Variants in ANK3 observed in about 807,000 individuals in gnomAD.
ANK3 encodes ankyrin-3.
Under a neutral mutation model 370.9 loss-of-function variants are expected in ANK3, and 57 were observed. The observed-to-expected ratio is 0.15, with a 90% CI of 0.12 to 0.19. The LOEUF is 0.19. Ranked by LOEUF, ANK3 falls within the 10% of genes least tolerant of loss-of-function variation. The probability of loss-of-function intolerance (pLI) is 1.00; values close to 1 mark genes in which losing one functional copy is unlikely to be tolerated. For missense variants in ANK3, 4,439 were observed against 5,302.1 expected (o/e 0.84, Z 5.06); for synonymous variants, 1,929 against 1,946.3 (o/e 0.99, Z 0.23).
At chr10:60,232,115 C>T (rs1267714015) in intron 8 of ANK3, among the ~76,000 whole-genome samples, 4 of 152,146 alleles carry the variant, frequency 2.6e-5, no homozygotes, top group Admixed American at 6.5e-5. Context: ...GCCTGAACTT[C>T]CTATGTATCC....
chr10:60,521,850 C>T (rs748070902), intron 2 of ANK3, among the ~76,000 whole-genome samples: 9 of 152,072 alleles, frequency 5.9e-5, no homozygotes, highest in African/African-American at 1.2e-4. Flanking sequence ...TTCAATACAT[C>T]ACTGTCTTCT....
intron 1 of ANK3, among the ~76,000 whole-genome samples, chr10:60,713,047 CCAG>C (rs2079732360): frequency 6.6e-6 from 1 of 152,146 alleles, no homozygotes; most frequent in African/African-American, 2.4e-5. Flanking sequence ...ATTGACAGAT[CCAG>C]CAGGCAGAAA....
At chr10:60,056,071 AC>A (rs1564658514) in intron 41 of ANK3, 35 bp from the exon 42 acceptor site, 1 of 1,569,776 alleles carries the variant, frequency 6.4e-7, no homozygotes, top group South Asian at 1.2e-5. Context: ...ACAATGGCAA[AC>A]TATGACTGAA....
Position 60,146,620 on chromosome 10 carries a change from T to C in ANK3, c.2615-7533A>G, listed in dbSNP as rs188423156. ...TAGCCTGCCTCAGCCTCCCGAGTAGTTGGGATTACAGGCACCCGCCACCAA... is the reference window on the plus strand; with the variant it reads ...TAGCCTGCCTCAGCCTCCCGAGTAGCTGGGATTACAGGCACCCGCCACCAA... On this transcript the variant is annotated intron_variant, in intron 23 of 43. Transcript: ENST00000280772. Among the ~76,000 whole-genome samples, 22 of 152,134 alleles carry C rather than the reference T, an allele frequency of 1.4e-4. No individual in the cohort carries two copies. In the East Asian group the frequency reaches 4.3e-3, roughly 29 times the overall value.
At chr10:60,434,561 T>G (rs2064111099) in intron 2 of ANK3, among the ~76,000 whole-genome samples, 1 of 152,240 alleles carries the variant, frequency 6.6e-6, no homozygotes, top group African/African-American at 2.4e-5. Context: ...TAGAGAGCCT[T>G]AAATTCTTTG....
intron 1 of ANK3, among the ~76,000 whole-genome samples, chr10:60,727,333 A>G (rs189037633): frequency 3.9e-5 from 6 of 152,322 alleles, no homozygotes; most frequent in African/African-American, 1.4e-4. Flanking sequence ...CAAAAACATT[A>G]TGCTCAGAGA....
At chr10:60,196,894 C>A (rs560904991) in intron 14 of ANK3, among the ~76,000 whole-genome samples, 1 of 152,222 alleles carries the variant, frequency 6.6e-6, no homozygotes, top group Non-Finnish European at 1.5e-5. Context: ...GCTGACTGAG[C>A]CATGACATGC....
At chr10:60,373,735 A>G (rs76511094) in intron 1 of ANK3, among the ~76,000 whole-genome samples, 1,549 of 152,232 alleles carry the variant, frequency 0.01, 19 homozygotes, top group African/African-American at 0.035. Flanking sequence ...TTGCTTTACA[A>G]TTTGCCCCAC....
intron 23 of ANK3, chr10:60,139,346 C>G (rs2094472731): frequency 2.4e-6 from 1 of 418,340 alleles, no homozygotes; most frequent in African/African-American, 2.1e-5. Flanking sequence ...ACCCGTATCC[C>G]TTTGCTTCCC....
chr10:60,143,225 GGAAT>G (rs1404061541), intron 23 of ANK3, among the ~76,000 whole-genome samples: 1 of 146,302 alleles, frequency 6.8e-6, no homozygotes, highest in African/African-American at 2.5e-5. Flanking sequence ...ATTTGTTGAT[GGAAT>G]GAATGAATGA....
At chr10:60,417,320 C>G (rs749894133) in intron 2 of ANK3, among the ~76,000 whole-genome samples, 1 of 152,088 alleles carries the variant, frequency 6.6e-6, no homozygotes, top group Non-Finnish European at 1.5e-5. Context: ...GGGGGGTCAG[C>G]TGAGAAAACT....
intron 23 of ANK3, among the ~76,000 whole-genome samples, chr10:60,150,874 G>A (rs2095078332): frequency 6.6e-6 from 1 of 152,088 alleles, no homozygotes; most frequent in African/African-American, 2.4e-5. Context: ...TCCAGTCTCA[G>A]GTATTTCTTT....
intron 1 of ANK3, among the ~76,000 whole-genome samples, chr10:60,286,147 G>A (rs1459976021): frequency 6.6e-6 from 1 of 152,140 alleles, no homozygotes; most frequent in African/African-American, 2.4e-5. Flanking sequence ...AAGAATGCAA[G>A]TTACAAGTGG....
In ANK3 at chr10:60,069,547, T is replaced by A. The variant is rs758334296; in HGVS notation, c.11334A>T (p.Lys3778Asn). ...NSQMGVRPHE[K>N]HDFQKDNFNN... The stretch of plus-strand genomic sequence containing the variant: ...TAAAGTTATCTTTTTGAAAATCATG[T>A]TTTTCATGGGGCCTAACGCCCATCT... Residue 3778 changes from lysine to asparagine, a missense_variant, in exon 37 of 44, where the codon AAA becomes AAT. Around this residue, in one of 13 missense-constraint regions of ANK3, gnomAD observed 496 missense variants for 529.3 expected, o/e 0.94. Coordinates refer to ENST00000280772, the MANE Select transcript of ANK3 (RefSeq NM_020987.5). 1.9e-6 allele frequency: 3 copies of A among 1,612,878 alleles called. No individual in the cohort carries two copies. The highest frequency in any genetic ancestry group is 2.5e-6 in the Non-Finnish European group (3 of 1,179,782).
chr10:60,622,933 T>G (rs558507384), intron 1 of ANK3, among the ~76,000 whole-genome samples: 82 of 152,338 alleles, frequency 5.4e-4, no homozygotes, highest in African/African-American at 1.9e-3. Flanking sequence ...GTTTACGTGC[T>G]CAAGTGAATT....
At chr10:60,306,771 A>C (rs1593412521) in intron 1 of ANK3, among the ~76,000 whole-genome samples, 1 of 152,212 alleles carries the variant, frequency 6.6e-6, no homozygotes, top group East Asian at 1.9e-4. Flanking sequence ...GCATATTGTG[A>C]GTTGATATTG....
intron 2 of ANK3, among the ~76,000 whole-genome samples, chr10:60,540,226 A>G (rs995510276): frequency 6.6e-6 from 1 of 151,848 alleles, no homozygotes; most frequent in Non-Finnish European, 1.5e-5. Context: ...GCTTGTTTCC[A>G]CTTGATGGGT....
At position 60,069,624 on chromosome 10, in the gene ANK3, G is replaced by T; in HGVS notation, c.11257C>A (p.Gln3753Lys). The T allele has an allele frequency of 6.2e-7, 1 of 1,614,130 alleles. No individual in the cohort carries two copies. The highest frequency in any genetic ancestry group is 8.5e-7 in the Non-Finnish European group (1 of 1,180,004). The change falls in exon 37 of 44, where the codon CAG becomes AAG. Residue 3753 changes from glutamine to lysine, a missense_variant. Coordinates refer to ENST00000280772, the MANE Select transcript of ANK3 (RefSeq NM_020987.5). ...DKIEAVMTSCQGLENETITMI... is the reference protein window; with the variant it reads ...DKIEAVMTSCKGLENETITMI... ...GTTATAGTTTCATTTTCTAATCCCT[G>T]ACAACTGGTCATCACCGCTTCTATC...
At chr10:60,549,643 T>C (rs1255956590) in intron 2 of ANK3, among the ~76,000 whole-genome samples, 1 of 152,128 alleles carries the variant, frequency 6.6e-6, no homozygotes, top group Admixed American at 6.5e-5. Context: ...GCCACTTAAC[T>C]TGGATTTTGT....
Sources: gnomAD v4.1 joint callset for allele counts (sites outside exome capture counted in the v4.1 genomes callset) on GRCh38, gnomAD v4.1.1 for gene constraint, gnomAD v4.1.1 regional missense constraint, MANE v1.5 for transcripts, NCBI Gene and HGNC (gene_info 2026-07-23, HGNC 2026-07-21) for gene names.